The following GRM5 variants were observed in gnomAD, a reference collection of about 807,000 sequenced individuals.
GRM5 encodes glutamate metabotropic receptor 5, also known as metabotropic glutamate receptor 5.
GRM5 carries 19 observed loss-of-function variants against 83.1 expected under a neutral mutation model. The ratio of observed to expected loss-of-function variants is 0.23; its 90% CI spans 0.16 to 0.34. GRM5 has a LOEUF of 0.34. Among genes scored for constraint, GRM5 ranks in the 10% least tolerant of loss-of-function variants. The probability of loss-of-function intolerance (pLI) is 1.00; values close to 1 mark genes in which losing one functional copy is unlikely to be tolerated. For missense variants in GRM5, 1,160 were observed against 1,588.3 expected (o/e 0.73, Z 4.58); for synonymous variants, 675 against 633.6 (o/e 1.07, Z -0.98).
intron 2 of GRM5, among the ~76,000 whole-genome samples, chr11:88,912,574 C>A (rs1945517912): frequency 6.6e-6 from 1 of 151,678 alleles, no homozygotes; most frequent in Non-Finnish European, 1.5e-5. Context: ...GCTAACCTGT[C>A]CATAATGAAG....
At chr11:88,960,284 C>G (rs1360978947) in intron 2 of GRM5, among the ~76,000 whole-genome samples, 2 of 152,070 alleles carry the variant, frequency 1.3e-5, no homozygotes, top group Non-Finnish European at 1.5e-5. Flanking sequence ...GAGACATTAT[C>G]CAATAATTAA....
chr11:88,949,477 T>A (rs1938386494), intron 2 of GRM5, among the ~76,000 whole-genome samples: 1 of 152,252 alleles, frequency 6.6e-6, no homozygotes, highest in Non-Finnish European at 1.5e-5. Flanking sequence ...TAAGTGAACA[T>A]ATTTTACCAT....
chr11:88,790,498 T>C (rs576237202), intron 3 of GRM5, among the ~76,000 whole-genome samples: 1 of 152,324 alleles, frequency 6.6e-6, no homozygotes, highest in South Asian at 2.1e-4. Context: ...ATGTGAGTGT[T>C]ACAACTTCAG....
chr11:88,894,910 C>A (rs1315776045), intron 2 of GRM5, among the ~76,000 whole-genome samples: 1 of 151,928 alleles, frequency 6.6e-6, no homozygotes, highest in Non-Finnish European at 1.5e-5. Context: ...TTCCAAACAA[C>A]AGATTTGCTG....
chr11:88,617,476 G>A (rs571311486), intron 4 of GRM5, among the ~76,000 whole-genome samples: 12 of 152,318 alleles, frequency 7.9e-5, no homozygotes, highest in Admixed American at 5.9e-4. Flanking sequence ...TGCACCAGAT[G>A]TAAGCAGAAA....
chr11:89,007,307 C>T (rs561536608), intron 2 of GRM5, among the ~76,000 whole-genome samples: 33 of 152,296 alleles, frequency 2.2e-4, no homozygotes, highest in African/African-American at 7.7e-4. Flanking sequence ...TTTTCTTGTA[C>T]TATAACACCA....
chr11:89,023,350 C>T (rs973945399), intron 2 of GRM5, among the ~76,000 whole-genome samples: 7 of 152,092 alleles, frequency 4.6e-5, no homozygotes, highest in Non-Finnish European at 5.9e-5. Flanking sequence ...TTCCCAGACG[C>T]ATCCTACCTA....
intron 2 of GRM5, among the ~76,000 whole-genome samples, chr11:88,917,048 T>C (rs572812273): frequency 6.6e-5 from 10 of 152,310 alleles, no homozygotes; most frequent in African/African-American, 2.4e-4. Flanking sequence ...AGTACTGTGC[T>C]AGCCTCAGCT....
intron 3 of GRM5, among the ~76,000 whole-genome samples, chr11:88,749,752 A>G (rs992783962): frequency 6.6e-5 from 10 of 152,190 alleles, no homozygotes; most frequent in African/African-American, 2.4e-4. Context: ...CTCTCAGCAG[A>G]AACCCTACAA....
chr11:88,881,848 C>T (rs1296371498), intron 2 of GRM5, among the ~76,000 whole-genome samples: 1 of 151,134 alleles, frequency 6.6e-6, no homozygotes, highest in Non-Finnish European at 1.5e-5. Flanking sequence ...CAAATCATAT[C>T]CTACTTAAGA....
chr11:88,514,423 C>A (rs536343266), intron 9 of GRM5, among the ~76,000 whole-genome samples: 1 of 152,042 alleles, frequency 6.6e-6, no homozygotes, highest in South Asian at 2.1e-4. Context: ...CATTTTCAAG[C>A]AGGGTCTGAA....
At chr11:88,974,524 T>C (rs1229089064) in intron 2 of GRM5, among the ~76,000 whole-genome samples, 5 of 152,156 alleles carry the variant, frequency 3.3e-5, no homozygotes, top group African/African-American at 4.8e-5. Context: ...AATGGATGAA[T>C]TAAAGAATCT....
chr11:89,054,946 C>T (rs188642509), intron 1 of GRM5, among the ~76,000 whole-genome samples: 76 of 152,146 alleles, frequency 5.0e-4, no homozygotes, highest in Admixed American at 9.2e-4. Flanking sequence ...TATAGTAATA[C>T]AACATATTTG....
intron 4 of GRM5, among the ~76,000 whole-genome samples, chr11:88,635,264 G>T (rs1443758306): frequency 6.6e-6 from 1 of 151,958 alleles, no homozygotes; most frequent in African/African-American, 2.4e-5. Context: ...TTCCATAATG[G>T]TTGTAACAAT....
rs140672775 is a variant in GRM5, at chr11:88,582,783, G to T, written c.1690+7818C>A. ...ATTTGGAATAAAAAATATCAGAGCA[G>T]CCTGGAGATAATTAACATGTGACCA... is the stretch of plus-strand genomic sequence containing the variant. On this transcript the variant is annotated intron_variant, in intron 7 of 9. Transcript: ENST00000305447. Among the ~76,000 whole-genome samples, 1,082 of 152,206 alleles carry T rather than the reference G, an allele frequency of 7.1e-3. 11 individuals are homozygous for T. The highest frequency in any genetic ancestry group is 0.025 in the African/African-American group (1,037 of 41,520).
intron 2 of GRM5, among the ~76,000 whole-genome samples, chr11:88,992,023 T>G (rs1939994719): frequency 6.6e-6 from 1 of 152,104 alleles, no homozygotes; most frequent in Non-Finnish European, 1.5e-5. Flanking sequence ...GGGATCTAAT[T>G]AAACTAAAGA....
chr11:88,963,121 A>G (rs1938835425), intron 2 of GRM5, among the ~76,000 whole-genome samples: 1 of 152,118 alleles, frequency 6.6e-6, no homozygotes, highest in African/African-American at 2.4e-5. Flanking sequence ...AACAAAAAAA[A>G]CTTACCAAAG....
chr11:88,738,303 A>G (rs1394841189), intron 3 of GRM5, among the ~76,000 whole-genome samples: 1 of 152,088 alleles, frequency 6.6e-6, no homozygotes, highest in Non-Finnish European at 1.5e-5. Flanking sequence ...GGGAAAATCA[A>G]TGATCAGAAC....
chr11:88,989,095 T>C (rs1278766651), intron 2 of GRM5, among the ~76,000 whole-genome samples: 6 of 151,268 alleles, frequency 4.0e-5, no homozygotes, highest in Admixed American at 4.0e-4. Context: ...GACCCATCAG[T>C]GTGCTGTATT....
Sources: gnomAD v4.1 joint callset for allele counts (sites outside exome capture counted in the v4.1 genomes callset) on GRCh38, gnomAD v4.1.1 for gene constraint, MANE v1.5 for transcripts, NCBI Gene and HGNC (gene_info 2026-07-23, HGNC 2026-07-21) for gene names.